Variants in RBKS observed in about 807,000 individuals in gnomAD.
RBKS encodes ribokinase.
A neutral mutation model predicts 33.9 loss-of-function variants in RBKS; 33 were observed. That is an observed-to-expected ratio of 0.97 (90% CI 0.74 to 1.30). The LOEUF is 1.30. Ranked by LOEUF, RBKS falls within the 50% of genes most tolerant of loss-of-function variation. The pLI is 0.00. For missense variants in RBKS, 361 were observed against 392.6 expected, an observed-to-expected ratio of 0.92 and a Z score of 0.68; for synonymous variants, 125 against 143.0, an observed-to-expected ratio of 0.87 and a Z score of 0.90.
intron 7 of RBKS, among the ~76,000 whole-genome samples, chr2:27,800,635 G>C (rs1404627338): frequency 6.6e-6 from 1 of 152,210 alleles, no homozygotes; most frequent in Non-Finnish European, 1.5e-5. Context: ...ACCTAGGTCA[G>C]AGGGGGCCAG....
In RBKS at chr2:27,802,123, C is replaced by G. The variant is rs555220108; in HGVS notation, c.796-20335G>C. ...AAAGTGTTGGGATTATAGGTGTGAGCCACTGTGCCCCACCACCATACTTTT... is the reference window on the plus strand; with the variant it reads ...AAAGTGTTGGGATTATAGGTGTGAGGCACTGTGCCCCACCACCATACTTTT... On this transcript the variant is annotated intron_variant, in intron 7 of 7. Transcript: ENST00000302188. Among the ~76,000 whole-genome samples, 11 of 148,892 alleles carry G rather than the reference C, an allele frequency of 7.4e-5. No individual in the cohort carries two copies. In the Admixed American group the frequency reaches 7.4e-4, roughly 10 times the overall value.
chr2:27,804,192 T>A (rs902235331), intron 7 of RBKS, among the ~76,000 whole-genome samples: 5 of 152,356 alleles, frequency 3.3e-5, no homozygotes, highest in Middle Eastern at 6.8e-3. Flanking sequence ...ATTCATTAGC[T>A]ATTGGATTTA....
intron 1 of RBKS, among the ~76,000 whole-genome samples, chr2:27,867,103 C>CAG (rs113026465): frequency 1.4e-5 from 2 of 140,808 alleles, no homozygotes; most frequent in Non-Finnish European, 3.0e-5. Context: ...GACCCTGTCT[C>CAG]AAAAAAAAAA....
chr2:27,825,569 A>G lies in RBKS; in HGVS notation c.795+1998T>C, dbSNP rs553166206. On this transcript the variant is annotated intron_variant, in intron 7 of 7. Coordinates refer to ENST00000302188, the MANE Select transcript of RBKS (RefSeq NM_022128.3). ...TCAGCATCCACTTCCCTATCCTCTGATAAGAGTGATTTGTATCTGAAACCA... is the reference window on the plus strand; with the variant it reads ...TCAGCATCCACTTCCCTATCCTCTGGTAAGAGTGATTTGTATCTGAAACCA... Among the ~76,000 whole-genome samples, 70 of 152,278 alleles carry G rather than the reference A, an allele frequency of 4.6e-4. No individual in the cohort carries two copies. In the South Asian group the frequency reaches 9.5e-3, roughly 21 times the overall value.
Position 27,832,864 on chromosome 2 carries a change from C to T in RBKS, c.515-87G>A, listed in dbSNP as rs1455260684. The T allele has an allele frequency of 1.6e-5, 14 of 887,316 alleles. No individual in the cohort carries two copies. In the East Asian group the frequency reaches 2.0e-4, roughly 13 times the overall value. 55.0% of individuals were successfully genotyped at this position (887,316 alleles called of 1,614,324 possible). ...GACAACATTCAGTAGGGAAAATCCC[C>T]GAGTTCGTTTTTGTCTTCATCTGGT... On this transcript the variant is annotated intron_variant, in intron 5 of 7. Coordinates refer to ENST00000302188, the MANE Select transcript of RBKS (RefSeq NM_022128.3).
intron 7 of RBKS, among the ~76,000 whole-genome samples, chr2:27,825,474 T>C (rs1678294491): frequency 6.6e-6 from 1 of 152,232 alleles, no homozygotes; most frequent in South Asian, 2.1e-4. Context: ...TAGTTCATCT[T>C]CAAATTCTGC....
chr2:27,855,035 T>C (rs1021264321), intron 2 of RBKS, among the ~76,000 whole-genome samples: 7 of 152,022 alleles, frequency 4.6e-5, no homozygotes, highest in Non-Finnish European at 1.0e-4. Flanking sequence ...TCAAGTTAAG[T>C]GTTCTTACTA....
chr2:27,841,139 G>A (rs1663491879), intron 5 of RBKS, among the ~76,000 whole-genome samples: 4 of 152,066 alleles, frequency 2.6e-5, no homozygotes, highest in Admixed American at 2.6e-4. Flanking sequence ...GAAGGTGATG[G>A]AGGAAGCCTT....
At chr2:27,831,014 C>A (rs975868095) in intron 6 of RBKS, among the ~76,000 whole-genome samples, 4 of 152,184 alleles carry the variant, frequency 2.6e-5, no homozygotes, top group Non-Finnish European at 5.9e-5. Context: ...ATGCCCCCAG[C>A]TGAAAGCCAG....
intron 1 of RBKS, chr2:27,889,924 G>A: frequency 1.1e-5 from 3 of 264,894 alleles, no homozygotes; most frequent in East Asian, 1.4e-4. Flanking sequence ...AAGTTCCCTG[G>A]CTCGTTTGGG....
At chr2:27,870,345 A>G (rs1664178776) in intron 1 of RBKS, 1 of 159,934 alleles carries the variant, frequency 6.3e-6, no homozygotes, top group Non-Finnish European at 1.4e-5. Flanking sequence ...AGCAGGTTGA[A>G]TATGTCACAC....
chr2:27,820,489 T>A (rs535421118), intron 7 of RBKS, among the ~76,000 whole-genome samples: 1 of 152,342 alleles, frequency 6.6e-6, no homozygotes, highest in African/African-American at 2.4e-5. Context: ...AACATTCTTG[T>A]ACAAATATTT....
intron 5 of RBKS, among the ~76,000 whole-genome samples, chr2:27,833,473 G>A (rs879374481): frequency 6.6e-6 from 1 of 152,176 alleles, no homozygotes; most frequent in Admixed American, 6.5e-5. Context: ...ACAAGAGAAG[G>A]ATAGATGGGA....
At chr2:27,863,121 T>TA (rs1558553647) in intron 1 of RBKS, among the ~76,000 whole-genome samples, 1 of 151,912 alleles carries the variant, frequency 6.6e-6, no homozygotes, top group African/African-American at 2.4e-5. Context: ...AAGGTAAAAA[T>TA]AGTGTAAATT....
chr2:27,838,982 C>T (rs58187596), intron 5 of RBKS, among the ~76,000 whole-genome samples: 10,718 of 152,110 alleles, frequency 0.07, 737 homozygotes, highest in African/African-American at 0.18. Flanking sequence ...GGTGTTGTCA[C>T]GGAGGGCAGG....
rs185006173 is a variant in RBKS, at chr2:27,841,953, A to T, written c.514+1114T>A. 1.8e-4 allele frequency among the ~76,000 whole-genome samples: 27 copies of T among 152,224 alleles called. 1 individual carries two copies. The East Asian group carries it at 5.0e-3, about 28-fold the overall frequency. ...TCAGGATATTATCCTAACTTTAAAGAGAGAAGTGGATTGAAGAGGAAAAAA... is the reference window on the plus strand; with the variant it reads ...TCAGGATATTATCCTAACTTTAAAGTGAGAAGTGGATTGAAGAGGAAAAAA... On this transcript the variant is annotated intron_variant, in intron 5 of 7. Transcript: ENST00000302188.
At chr2:27,840,144 C>T (rs1029805407) in intron 5 of RBKS, among the ~76,000 whole-genome samples, 1 of 151,308 alleles carries the variant, frequency 6.6e-6, no homozygotes, top group African/African-American at 2.4e-5. Flanking sequence ...CTCAGCCTCC[C>T]GAGTAGCTGG....
intron 5 of RBKS, among the ~76,000 whole-genome samples, chr2:27,836,070 C>T (rs559555471): frequency 1.3e-5 from 2 of 152,082 alleles, no homozygotes; most frequent in South Asian, 4.2e-4. Context: ...AAAAATTTGC[C>T]AGGCGTGGTG....
intron 7 of RBKS, among the ~76,000 whole-genome samples, chr2:27,816,036 C>T (rs985609121): frequency 4.6e-5 from 7 of 152,218 alleles, no homozygotes; most frequent in Non-Finnish European, 7.4e-5. Context: ...AGCTGTCAGG[C>T]GGTAGTCACA....
Sources: gnomAD v4.1 joint callset for allele counts (sites outside exome capture counted in the v4.1 genomes callset) on GRCh38, gnomAD v4.1.1 for gene constraint, MANE v1.5 for transcripts, NCBI Gene and HGNC (gene_info 2026-07-23, HGNC 2026-07-21) for gene names.